SLC8A1: variants seen among roughly 807,000 people sequenced by gnomAD.
The protein encoded by SLC8A1 is solute carrier family 8 member A1, also known as sodium/calcium exchanger 1.
Under a neutral mutation model 68.3 loss-of-function variants are expected in SLC8A1, and 18 were observed. That is an observed-to-expected ratio of 0.26 (90% confidence interval 0.18 to 0.39). The LOEUF (loss-of-function observed/expected upper bound fraction) is 0.39. SLC8A1 is among the 10% of genes least tolerant of loss of function. The pLI, the probability that SLC8A1 is intolerant of heterozygous loss-of-function variation, is 1.00. For synonymous variants in SLC8A1, 475 were observed against 415.5 expected (o/e 1.14, Z -1.74); for missense variants, 985 against 1,156.7 (o/e 0.85, Z 2.15).
chr2:40,208,976 A>G (rs909761204), intron 2 of SLC8A1: 3 of 152,118 alleles, frequency 2.0e-5, no homozygotes, highest in African/African-American at 7.2e-5. Context: ...AAATTCAGTA[A>G]TTATTTACAA....
At chr2:40,499,005 T>C (rs1328373097) in intron 1 of SLC8A1, among the ~76,000 whole-genome samples, 5 of 152,026 alleles carry the variant, frequency 3.3e-5, no homozygotes, top group Admixed American at 2.6e-4. Flanking sequence ...GGCACTGATA[T>C]AAGCCAGAAT....
chr2:40,344,031 T>C (rs1188997637), intron 2 of SLC8A1, among the ~76,000 whole-genome samples: 1 of 152,118 alleles, frequency 6.6e-6, no homozygotes, highest in Non-Finnish European at 1.5e-5. Flanking sequence ...GTGTGTACGA[T>C]GGCAATATAA....
At chr2:40,507,730 C>T (rs936894005) in intron 1 of SLC8A1, among the ~76,000 whole-genome samples, 6 of 151,950 alleles carry the variant, frequency 3.9e-5, no homozygotes, top group Admixed American at 6.6e-5. Context: ...AAATGGGTGA[C>T]TATCTCATAG....
intron 2 of SLC8A1, among the ~76,000 whole-genome samples, chr2:40,338,315 A>C (rs1422639053): frequency 4.6e-5 from 7 of 152,196 alleles, no homozygotes; most frequent in Admixed American, 1.3e-4. Flanking sequence ...TAATCTGTAA[A>C]CAAAAACAAA....
intron 2 of SLC8A1, among the ~76,000 whole-genome samples, chr2:40,184,853 A>T (rs1447340756): frequency 3.4e-5 from 5 of 145,990 alleles, no homozygotes; most frequent in Non-Finnish European, 7.5e-5. Context: ...TAAAAGCTTC[A>T]GGATAAACTC....
At chr2:40,285,590 A>C (rs1185524610) in intron 2 of SLC8A1, among the ~76,000 whole-genome samples, 2 of 152,166 alleles carry the variant, frequency 1.3e-5, no homozygotes, top group African/African-American at 4.8e-5. Flanking sequence ...ACAGACAGAC[A>C]AGAAGAAGAT....
intron 2 of SLC8A1, among the ~76,000 whole-genome samples, chr2:40,384,053 G>T (rs1407668798): frequency 6.6e-6 from 1 of 151,820 alleles, no homozygotes. Context: ...TTGAGGCCAG[G>T]AGTTTTACAC....
Position 40,202,576 on chromosome 2 carries a change from T to C in SLC8A1, c.1809-24721A>G, listed in dbSNP as rs1348755219. Among the ~76,000 whole-genome samples the C allele has an allele frequency of 5.3e-5, 8 of 152,010 alleles. 1 individual carries two copies. The highest frequency in any genetic ancestry group is 5.3e-4 in the Admixed American group (8 of 15,228). Reference sequence around the variant, plus strand: ...ATCAAAATATATAATGGTGGCCATATATTTTATCCTTTTTTTCTAAGCTAA... The same window carrying C: ...ATCAAAATATATAATGGTGGCCATACATTTTATCCTTTTTTTCTAAGCTAA... On this transcript the variant is annotated intron_variant, in intron 2 of 7. Transcript: ENST00000406785.
chr2:40,415,269 A>G (rs558595112), intron 2 of SLC8A1, among the ~76,000 whole-genome samples: 55 of 152,292 alleles, frequency 3.6e-4, no homozygotes, highest in Middle Eastern at 3.4e-3. Flanking sequence ...GACTTCCAAG[A>G]GTCTCTCATT....
chr2:40,307,496 T>C (rs998866513), intron 2 of SLC8A1, among the ~76,000 whole-genome samples: 14 of 152,342 alleles, frequency 9.2e-5, no homozygotes, highest in African/African-American at 3.4e-4. Flanking sequence ...TATTGAACTG[T>C]ACACTTAAGA....
At chr2:40,351,441 G>C (rs1041521160) in intron 2 of SLC8A1, among the ~76,000 whole-genome samples, 2 of 150,168 alleles carry the variant, frequency 1.3e-5, no homozygotes, top group East Asian at 1.9e-4. Flanking sequence ...CAATCACTAG[G>C]GCTTCATCAT....
At chr2:40,311,287 C>T (rs2073616036) in intron 2 of SLC8A1, among the ~76,000 whole-genome samples, 1 of 152,052 alleles carries the variant, frequency 6.6e-6, no homozygotes, top group Admixed American at 6.6e-5. Context: ...GACTCCAAAA[C>T]CCTTCATCAT....
intron 1 of SLC8A1, among the ~76,000 whole-genome samples, chr2:40,443,373 A>G (rs1700868547): frequency 1.3e-5 from 2 of 152,210 alleles, no homozygotes; most frequent in African/African-American, 4.8e-5. Context: ...TATTAGAAAA[A>G]GTTCAGCTGA....
chr2:40,143,744 AG>A (rs2041986704), intron 6 of SLC8A1, among the ~76,000 whole-genome samples: 3 of 152,204 alleles, frequency 2.0e-5, no homozygotes, highest in Admixed American at 2.0e-4. Context: ...TGACGGTGAA[AG>A]ACAACCCCCT....
intron 1 of SLC8A1, among the ~76,000 whole-genome samples, chr2:40,508,368 C>T (rs1338646376): frequency 6.7e-6 from 1 of 149,672 alleles, no homozygotes; most frequent in Non-Finnish European, 1.5e-5. Context: ...AAAAAAAAAT[C>T]TAAAAAAAAG....
chr2:40,333,997 G>C (rs867465756), intron 2 of SLC8A1, among the ~76,000 whole-genome samples: 1 of 152,138 alleles, frequency 6.6e-6, no homozygotes, highest in Non-Finnish European at 1.5e-5. Context: ...GCAGTGAGCC[G>C]AGATGGCACC....
At chr2:40,136,993 CTG>C (rs753375724) in intron 7 of SLC8A1, among the ~76,000 whole-genome samples, 12 of 151,652 alleles carry the variant, frequency 7.9e-5, no homozygotes, top group Non-Finnish European at 1.5e-5. Flanking sequence ...TGTAGGGAAA[CTG>C]TTTCAACAAC....
chr2:40,200,881 A>G (rs450116), intron 2 of SLC8A1, among the ~76,000 whole-genome samples: 23,050 of 151,860 alleles, frequency 0.15, 2,240 homozygotes, highest in African/African-American at 0.26. Context: ...AAATATTTAT[A>G]TATGATAAAA....
intron 1 of SLC8A1, among the ~76,000 whole-genome samples, chr2:40,500,838 C>A (rs1200104874): frequency 1.2e-5 from 1 of 84,052 alleles, no homozygotes; most frequent in African/African-American, 4.5e-5. Context: ...TTTTGCCTCT[C>A]TAGTGTCTAT....
Sources: allele counts gnomAD v4.1 joint callset (sites outside exome capture counted in the v4.1 genomes callset), GRCh38; gene constraint gnomAD v4.1.1; transcripts MANE v1.5; gene names NCBI Gene and HGNC (gene_info 2026-07-23, HGNC 2026-07-21).